Variants in USO1 observed in about 807,000 individuals in gnomAD.
USO1 encodes the protein USO1 vesicle transport factor.
A neutral mutation model predicts 124.5 loss-of-function variants in USO1; 57 were observed. The ratio of observed to expected loss-of-function variants is 0.46; its 90% CI spans 0.37 to 0.57. USO1 has a LOEUF of 0.57. Ranked by LOEUF, USO1 falls within the 20% of genes least tolerant of loss-of-function variation. The pLI is 0.00. For synonymous variants in USO1, 369 were observed against 362.8 expected (o/e 1.02, Z -0.19); for missense variants, 900 against 1,040.6 (o/e 0.86, Z 1.86).
chr4:75,793,216 T>C (rs1722581646), intron 12 of USO1, among the ~76,000 whole-genome samples: 1 of 146,000 alleles, frequency 6.8e-6, no homozygotes, highest in Non-Finnish European at 1.5e-5. Flanking sequence ...TTTTTTTTTT[T>C]TTTTTTTTTT....
intron 3 of USO1, among the ~76,000 whole-genome samples, chr4:75,754,360 G>T (rs578190211): frequency 3.9e-5 from 6 of 152,188 alleles, no homozygotes; most frequent in Non-Finnish European, 8.8e-5. Flanking sequence ...TGGGATTACA[G>T]GTGTGAGCCA....
chr4:75,805,538 C>G (rs536907051), intron 19 of USO1, among the ~76,000 whole-genome samples: 1 of 152,152 alleles, frequency 6.6e-6, no homozygotes, highest in African/African-American at 2.4e-5. Context: ...GAAACCCTGT[C>G]TCTACTAAAA....
intron 3 of USO1, among the ~76,000 whole-genome samples, chr4:75,754,356 T>A (rs1721377121): frequency 6.6e-6 from 1 of 152,152 alleles, no homozygotes; most frequent in South Asian, 2.1e-4. Flanking sequence ...GTGCTGGGAT[T>A]ACAGGTGTGA....
chr4:75,752,350 G>A, intron 1 of USO1, 23 bp from the exon 2 acceptor site: 1 of 397,556 alleles, frequency 2.5e-6, no homozygotes, highest in Non-Finnish European at 4.4e-6. Flanking sequence ...TTCTTTTAAT[G>A]CCATTTTATT....
chr4:75,724,891 A>G lies in USO1; in HGVS notation c.66+6A>G. On this transcript the variant is annotated splice_donor_region_variant and intron_variant, in intron 1 of 23. Transcript: ENST00000514213. ...AGCACACAGAAGCCGAGACGGTGAG[A>G]GGAGCAGCGGGTCTGGGACTTGGGA... The G allele has an allele frequency of 1.2e-6, 2 of 1,612,700 alleles. No homozygotes were observed.
intron 23 of USO1, among the ~76,000 whole-genome samples, chr4:75,812,971 C>T (rs1223716394): frequency 1.3e-5 from 2 of 151,996 alleles, no homozygotes; most frequent in East Asian, 1.9e-4. Flanking sequence ...ATTAGCAGGG[C>T]GCTTGGTGGC....
chr4:75,799,610 T>TAGAA lies in USO1; in HGVS notation c.1453-11_1453-10insGAAA. 6.2e-7 allele frequency: 1 copy of TAGAA among 1,611,260 alleles called. No homozygotes were observed. Among genetic ancestry groups the TAGAA allele is most frequent in the Non-Finnish European group, 8.5e-7 (1 of 1,178,898 alleles). ...ATGAATGGAAAGATTTCTACCAATT[T>TAGAA]ATCTGTTGCAGGGAAGCAAAATACA... On this transcript the variant is annotated splice_polypyrimidine_tract_variant and intron_variant, in intron 13 of 23. Transcript: ENST00000514213.
At chr4:75,777,393 G>A (rs916166591) in intron 8 of USO1, among the ~76,000 whole-genome samples, 8 of 152,104 alleles carry the variant, frequency 5.3e-5, no homozygotes, top group Non-Finnish European at 1.0e-4. Context: ...TCTGTTGAGA[G>A]AATGAAAAGA....
chr4:75,777,202 CTG>C (rs1310631535), intron 8 of USO1, among the ~76,000 whole-genome samples: 9 of 152,092 alleles, frequency 5.9e-5, no homozygotes, highest in Non-Finnish European at 1.3e-4. Context: ...AGCAAAATAA[CTG>C]TTTTCACACA....
chr4:75,755,561 G>A (rs1185725908), intron 3 of USO1: 1 of 508,036 alleles, frequency 2.0e-6, no homozygotes, highest in South Asian at 1.4e-5. Flanking sequence ...TTTCAGTTAT[G>A]CCCAGCTGCT....
chr4:75,725,555 C>T (rs1390426684), intron 1 of USO1, among the ~76,000 whole-genome samples: 2 of 150,958 alleles, frequency 1.3e-5, no homozygotes, highest in African/African-American at 4.9e-5. Flanking sequence ...GCTCAAACTG[C>T]TTTGGGGACA....
intron 4 of USO1, among the ~76,000 whole-genome samples, chr4:75,764,707 A>C (rs1413109602): frequency 6.6e-6 from 1 of 152,216 alleles, no homozygotes; most frequent in Non-Finnish European, 1.5e-5. Context: ...TCATGAGGTC[A>C]CAAACTTTTG....
chr4:75,725,333 C>G (rs1214691623), intron 1 of USO1, among the ~76,000 whole-genome samples: 1 of 152,200 alleles, frequency 6.6e-6, no homozygotes, highest in Admixed American at 6.5e-5. Flanking sequence ...TTGGGGAAAA[C>G]TGCGAGAAGG....
At chr4:75,802,501 GGCATTAGTCC>G (rs1163213828) in intron 17 of USO1, among the ~76,000 whole-genome samples, 1 of 152,076 alleles carries the variant, frequency 6.6e-6, no homozygotes, top group East Asian at 1.9e-4. Context: ...AATGCTATTT[GGCATTAGTCC>G]ACAAGCATCT....
At chr4:75,783,239 T>A (rs1722272678) in intron 9 of USO1, among the ~76,000 whole-genome samples, 1 of 152,216 alleles carries the variant, frequency 6.6e-6, no homozygotes, top group Non-Finnish European at 1.5e-5. Context: ...ATATTCAAAC[T>A]ATTAAGTTCA....
intron 20 of USO1, among the ~76,000 whole-genome samples, chr4:75,807,340 C>A (rs1176836143): frequency 2.0e-5 from 3 of 151,602 alleles, no homozygotes; most frequent in African/African-American, 7.3e-5. Context: ...TCTTTCCCTC[C>A]TTTCTTTCTT....
At chr4:75,772,665 A>C (rs1721966012) in intron 7 of USO1, among the ~76,000 whole-genome samples, 1 of 152,206 alleles carries the variant, frequency 6.6e-6, no homozygotes, top group African/African-American at 2.4e-5. Flanking sequence ...GTATCTTTAA[A>C]GCTTCTGTTC....
intron 1 of USO1, among the ~76,000 whole-genome samples, chr4:75,733,643 T>C (rs1720702895): frequency 1.3e-5 from 2 of 152,234 alleles, no homozygotes; most frequent in South Asian, 2.1e-4. Context: ...TGTCTGTTCA[T>C]GTCCTTTGCC....
Position 75,757,530 on chromosome 4 carries a change from C to T in USO1, c.252C>T (p.Asp84=). ...SDSEIIGYAL[D]TLYNIISNEE... is the part of the protein sequence containing the mutation. ...CTGAAATAATAGGTTATGCTTTGGA[C>T]ACACTATATAATATAATATCTAATG... The change falls in exon 4 of 24, where the codon GAC becomes GAT. Residue 84 remains aspartate (D), a synonymous_variant. Transcript: ENST00000514213. The T allele has an allele frequency of 6.6e-7, 1 of 1,514,154 alleles. No homozygotes were observed. The highest frequency in any genetic ancestry group is 8.8e-7 in the Non-Finnish European group (1 of 1,130,018). The allele number at this position is 1,514,154 out of a possible 1,614,324, so 93.8% of individuals were successfully genotyped here.
Sources: allele counts gnomAD v4.1 joint callset (sites outside exome capture counted in the v4.1 genomes callset), GRCh38; gene constraint gnomAD v4.1.1; transcripts MANE v1.5; gene names NCBI Gene and HGNC (gene_info 2026-07-23, HGNC 2026-07-21).